PCDH9: variants seen among roughly 807,000 people sequenced by gnomAD.
PCDH9 encodes the protein protocadherin-9.
Under a neutral mutation model 70.6 loss-of-function variants are expected in PCDH9, and 24 were observed. The observed-to-expected ratio is 0.34, with a 90% CI of 0.25 to 0.48. The LOEUF (loss-of-function observed/expected upper bound fraction) is 0.48. Ranked by LOEUF, PCDH9 falls within the 20% of genes least tolerant of loss-of-function variation. The pLI is 0.99. For missense variants in PCDH9, 1,281 were observed against 1,503.6 expected (o/e 0.85, Z 2.45); for synonymous variants, 562 against 558.5 (o/e 1.01, Z -0.09).
chr13:66,585,761 T>A (rs1322900377), intron 4 of PCDH9, among the ~76,000 whole-genome samples: 6 of 152,132 alleles, frequency 3.9e-5, no homozygotes, highest in Non-Finnish European at 8.8e-5. Context: ...TTCTTTCTTT[T>A]CTTCTCTTTT....
intron 4 of PCDH9, among the ~76,000 whole-genome samples, chr13:66,483,946 G>T (rs1054394814): frequency 6.6e-6 from 1 of 152,084 alleles, no homozygotes; most frequent in Non-Finnish European, 1.5e-5. Context: ...CGGACATCGA[G>T]GGGAGCACCC....
intron 4 of PCDH9, among the ~76,000 whole-genome samples, chr13:66,484,835 AT>A (rs990132007): frequency 7.2e-5 from 11 of 152,228 alleles, no homozygotes; most frequent in African/African-American, 2.7e-4. Flanking sequence ...TTATGTGCAT[AT>A]CTCTCTGGCT....
intron 2 of PCDH9, among the ~76,000 whole-genome samples, chr13:67,024,116 A>C (rs2084732361): frequency 6.6e-6 from 1 of 152,180 alleles, no homozygotes; most frequent in African/African-American, 2.4e-5. Flanking sequence ...TCTAAACTCT[A>C]TTAGGAAGCC....
At chr13:66,748,547 A>T (rs2139220250) in intron 3 of PCDH9, among the ~76,000 whole-genome samples, 1 of 152,312 alleles carries the variant, frequency 6.6e-6, no homozygotes. Context: ...TACTTTAAAT[A>T]ATTTTAGCCA....
intron 2 of PCDH9, chr13:67,204,849 G>A (rs950240576): frequency 2.7e-4 from 41 of 152,162 alleles, no homozygotes; most frequent in African/African-American, 9.4e-4. Context: ...ACACAGTTTG[G>A]TTTTCAAATC....
In PCDH9 at chr13:66,451,351, T is replaced by C. The variant is rs540094494; in HGVS notation, c.3341-146323A>G. Reference sequence around the variant, plus strand: ...AATGTGTTTTGGTATATAATTTACCTAATATGATTATTGCAAAATAATAAG... The same window carrying C: ...AATGTGTTTTGGTATATAATTTACCCAATATGATTATTGCAAAATAATAAG... On this transcript the variant is annotated intron_variant, in intron 4 of 4. Coordinates refer to ENST00000377865, the MANE Select transcript of PCDH9 (RefSeq NM_203487.3). 2.6e-5 allele frequency among the ~76,000 whole-genome samples: 4 copies of C among 152,202 alleles called. No homozygotes were observed. The South Asian group carries it at 6.2e-4, about 24-fold the overall frequency.
intron 4 of PCDH9, among the ~76,000 whole-genome samples, chr13:66,572,195 T>A (rs975705274): frequency 6.6e-6 from 1 of 152,156 alleles, no homozygotes; most frequent in African/African-American, 2.4e-5. Context: ...CCCACCACTA[T>A]CAAACATTGA....
At chr13:67,180,043 A>G (rs1044044490) in intron 2 of PCDH9, among the ~76,000 whole-genome samples, 7 of 152,106 alleles carry the variant, frequency 4.6e-5, no homozygotes, top group African/African-American at 7.2e-5. Flanking sequence ...CTTTTAAATC[A>G]CCAAATGACC....
intron 4 of PCDH9, among the ~76,000 whole-genome samples, chr13:66,475,429 T>G (rs951178364): frequency 5.3e-5 from 8 of 152,080 alleles, no homozygotes; most frequent in South Asian, 2.1e-4. Flanking sequence ...AACTTAAAAC[T>G]TCTATATTTT....
Position 66,973,481 on chromosome 13 carries a change from G to A in PCDH9, c.3037-69876C>T, listed in dbSNP as rs149579089. On this transcript the variant is annotated intron_variant, in intron 2 of 4. Coordinates refer to ENST00000377865, the MANE Select transcript of PCDH9 (RefSeq NM_203487.3). Reference sequence around the variant, plus strand: ...AAAGGAGGAGGAAACGACCAATATTGGAGGTCCTCAAAGAAAAAGGAAGAG... The same window carrying A: ...AAAGGAGGAGGAAACGACCAATATTAGAGGTCCTCAAAGAAAAAGGAAGAG... 1.5e-4 allele frequency among the ~76,000 whole-genome samples: 23 copies of A among 152,012 alleles called. No homozygotes were observed. The East Asian group carries it at 3.7e-3, about 24-fold the overall frequency.
At chr13:66,331,481 C>A (rs1273685446) in intron 4 of PCDH9, among the ~76,000 whole-genome samples, 3 of 152,072 alleles carry the variant, frequency 2.0e-5, no homozygotes, top group Non-Finnish European at 4.4e-5. Flanking sequence ...GGCCTATCCA[C>A]GTGCATTAAG....
intron 3 of PCDH9, among the ~76,000 whole-genome samples, chr13:66,795,625 A>G (rs1479697515): frequency 6.6e-6 from 1 of 152,078 alleles, no homozygotes; most frequent in South Asian, 2.1e-4. Flanking sequence ...TCTTCTTTCT[A>G]TATAAGATAT....
intron 3 of PCDH9, among the ~76,000 whole-genome samples, chr13:66,739,555 T>A (rs1398853541): frequency 6.9e-6 from 1 of 144,390 alleles, no homozygotes; most frequent in Non-Finnish European, 1.5e-5. Context: ...GCAAGTTGGA[T>A]AAAGAGTCAA....
chr13:66,335,507 A>C (rs186005933), intron 4 of PCDH9, among the ~76,000 whole-genome samples: 61 of 152,284 alleles, frequency 4.0e-4, no homozygotes, highest in African/African-American at 1.4e-3. Context: ...ACCATGCCAA[A>C]TATCAGATAC....
intron 3 of PCDH9, among the ~76,000 whole-genome samples, chr13:66,698,195 G>A (rs2078589901): frequency 6.6e-6 from 1 of 152,120 alleles, no homozygotes; most frequent in Non-Finnish European, 1.5e-5. Context: ...TTCCAGAGAT[G>A]GATGGTAGTG....
intron 4 of PCDH9, among the ~76,000 whole-genome samples, chr13:66,592,856 T>C (rs2077054825): frequency 6.6e-6 from 1 of 151,794 alleles, no homozygotes; most frequent in Admixed American, 6.6e-5. Flanking sequence ...AAATGTTTAG[T>C]AAGTGAAATG....
chr13:67,147,945 A>C (rs985699094), intron 2 of PCDH9, among the ~76,000 whole-genome samples: 1 of 152,124 alleles, frequency 6.6e-6, no homozygotes, highest in Non-Finnish European at 1.5e-5. Flanking sequence ...AAACTATCAT[A>C]TCCTTAAACA....
intron 2 of PCDH9, among the ~76,000 whole-genome samples, chr13:66,965,600 T>C (rs2083421506): frequency 6.6e-6 from 1 of 152,082 alleles, no homozygotes; most frequent in East Asian, 1.9e-4. Flanking sequence ...TTAAATTGTT[T>C]TTTTTCCCTC....
Position 66,495,720 on chromosome 13 carries a change from C to T in PCDH9, c.3340+135490G>A, listed in dbSNP as rs138238974. On this transcript the variant is annotated intron_variant, in intron 4 of 4. Transcript: ENST00000377865. The stretch of plus-strand genomic sequence containing the variant: ...GTGACTCTTTGACCTCTATTGGCTG[C>T]ATTTCTGCCTGTCATCCCCAAACTG... Among the ~76,000 whole-genome samples, 36 of 152,300 alleles carry T rather than the reference C, an allele frequency of 2.4e-4. 1 individual carries two copies. In the East Asian group the frequency reaches 6.2e-3, roughly 26 times the overall value.
Sources: gnomAD v4.1 joint callset for allele counts (sites outside exome capture counted in the v4.1 genomes callset) on GRCh38, gnomAD v4.1.1 for gene constraint, MANE v1.5 for transcripts, NCBI Gene and HGNC (gene_info 2026-07-23, HGNC 2026-07-21) for gene names.